The following CCDC63 variants were observed in gnomAD, a reference collection of about 807,000 sequenced individuals.
CCDC63 encodes coiled-coil domain-containing protein 63.
CCDC63 carries 54 observed loss-of-function variants against 63.6 expected under a neutral mutation model. That is an observed-to-expected ratio of 0.85 (90% CI 0.68 to 1.07). The LOEUF (loss-of-function observed/expected upper bound fraction) is 1.07, where lower values mean the gene tolerates loss of function less well. CCDC63 is among the 50% of genes least tolerant of loss of function. CCDC63 has a pLI of 0.00. For missense variants in CCDC63, 637 were observed against 689.6 expected (o/e 0.92, Z 0.86); for synonymous variants, 253 against 266.1 (o/e 0.95, Z 0.48).
chr12:110,856,230 C>T (rs888504014), intron 3 of CCDC63, among the ~76,000 whole-genome samples: 5 of 151,870 alleles, frequency 3.3e-5, no homozygotes, highest in South Asian at 2.1e-4. Flanking sequence ...GGACTACAGG[C>T]GCCCACCACC....
intron 4 of CCDC63, among the ~76,000 whole-genome samples, chr12:110,864,386 T>C (rs1054890777): frequency 6.6e-6 from 1 of 151,392 alleles, no homozygotes; most frequent in Admixed American, 6.6e-5. Context: ...GCCCAGGAGT[T>C]TGAGACCAGC....
chr12:110,883,606 T>A (rs529639839), intron 7 of CCDC63, among the ~76,000 whole-genome samples: 25 of 140,872 alleles, frequency 1.8e-4, no homozygotes, highest in South Asian at 6.6e-4. Context: ...ATATATATAT[T>A]TTTTTGTTTG....
At chr12:110,899,908 T>A (rs1353376066) in intron 10 of CCDC63, among the ~76,000 whole-genome samples, 1 of 151,842 alleles carries the variant, frequency 6.6e-6, no homozygotes, top group African/African-American at 2.4e-5. Flanking sequence ...ATAAAAGACA[T>A]CTACAAAAAA....
chr12:110,890,026 A>T (rs941896480), intron 8 of CCDC63, among the ~76,000 whole-genome samples: 8 of 152,060 alleles, frequency 5.3e-5, no homozygotes, highest in South Asian at 2.1e-4. Context: ...CTGCTTTTTT[A>T]AAAATTAAAA....
chr12:110,862,520 A>C (rs141477107), intron 4 of CCDC63, among the ~76,000 whole-genome samples: 7 of 152,350 alleles, frequency 4.6e-5, no homozygotes, highest in Non-Finnish European at 8.8e-5. Flanking sequence ...TCCCAGCATC[A>C]CAAAAGCAGC....
chr12:110,868,582 G>A (rs1328671337), intron 4 of CCDC63, among the ~76,000 whole-genome samples: 2 of 151,760 alleles, frequency 1.3e-5, no homozygotes, highest in African/African-American at 2.4e-5. Flanking sequence ...CCAGTCAGGT[G>A]TGGCGGCGCG....
chr12:110,905,910 TTATATTA>T (rs201514569), intron 11 of CCDC63, among the ~76,000 whole-genome samples: 1,590 of 56,976 alleles, frequency 0.028, 304 homozygotes, highest in African/African-American at 0.11. Flanking sequence ...ATAATATATA[TTATATTA>T]TATATAATAT....
At chr12:110,876,062 T>C (rs2071125592) in intron 5 of CCDC63, among the ~76,000 whole-genome samples, 1 of 148,158 alleles carries the variant, frequency 6.7e-6, no homozygotes. Flanking sequence ...GCCGAGATTG[T>C]GCCACTGTAC....
In CCDC63 at chr12:110,889,226, C is replaced by G. The variant is rs1281656472; in HGVS notation, c.1075-3850C>G. Among the ~76,000 whole-genome samples, 3 of 152,168 alleles carry G rather than the reference C, an allele frequency of 2.0e-5. No homozygotes were observed. Among genetic ancestry groups the G allele is most frequent in the Non-Finnish European group, 4.4e-5 (3 of 68,048 alleles). ...CACCTACTGCGTTCCAGACACTGCTCTAGACCCTGATAATGTGGCAGTGAA... is the reference window on the plus strand; with the variant it reads ...CACCTACTGCGTTCCAGACACTGCTGTAGACCCTGATAATGTGGCAGTGAA... On this transcript the variant is annotated intron_variant, in intron 8 of 11. Coordinates refer to ENST00000308208, the MANE Select transcript of CCDC63 (RefSeq NM_152591.3). The surrounding 1 kb of genome is among the most constrained non-coding windows in gnomAD (Gnocchi z 4.1).
At chr12:110,851,735 C>A (rs1289662401) in intron 1 of CCDC63, among the ~76,000 whole-genome samples, 3 of 152,182 alleles carry the variant, frequency 2.0e-5, no homozygotes, top group Non-Finnish European at 4.4e-5. Flanking sequence ...CCCTCTGAAA[C>A]AATCCATATC....
At chr12:110,899,392 C>T (rs1161439720) in intron 10 of CCDC63, among the ~76,000 whole-genome samples, 2 of 152,154 alleles carry the variant, frequency 1.3e-5, no homozygotes, top group South Asian at 4.1e-4. Flanking sequence ...AATCATGGCT[C>T]ACTGCCATCT....
chr12:110,877,199 C>T (rs1318287560), intron 5 of CCDC63, among the ~76,000 whole-genome samples: 2 of 151,084 alleles, frequency 1.3e-5, no homozygotes, highest in African/African-American at 4.9e-5. Context: ...AGCAGGAATC[C>T]CAAATACAGT....
rs2071606315 is a variant in CCDC63 at position 110,907,424 on chromosome 12, G to A, written c.1640G>A (p.Ser547Asn). The A allele has an allele frequency of 6.2e-7, 1 of 1,614,202 alleles. No individual in the cohort carries two copies. The highest frequency in any genetic ancestry group is 1.3e-5 in the African/African-American group (1 of 75,058). Residue 547 changes from serine to asparagine, a missense_variant, in exon 12 of 12, where the codon AGC becomes AAC. Physicochemically the swap from Ser to Asn is conservative, Grantham distance 46. Coordinates refer to ENST00000308208, the MANE Select transcript of CCDC63 (RefSeq NM_152591.3). The surrounding 1 kb of genome is among the most constrained non-coding windows in gnomAD (Gnocchi z 4.4). ...ENRSKEVRGDSLPEKVDDFRS... is the reference protein window; with the variant it reads ...ENRSKEVRGDNLPEKVDDFRS... ...CGGAGTAAGGAAGTGCGCGGAGACA[G>A]CCTGCCTGAGAAGGTGGATGACTTC... is the stretch of plus-strand genomic sequence containing the variant.
chr12:110,874,032 G>T lies in CCDC63; in HGVS notation c.489+71G>T, dbSNP rs563484209. 6 of 1,541,404 alleles carry T rather than the reference G, an allele frequency of 3.9e-6. No homozygotes were observed. The African/African-American group carries it at 4.2e-5, about 11-fold the overall frequency. ...TTTGCTCAGAACAAAAATGATGTCT[G>T]CCCAGCCATTAGCAGAACATACCCA... On this transcript the variant is annotated intron_variant, in intron 5 of 11. Coordinates refer to ENST00000308208, the MANE Select transcript of CCDC63 (RefSeq NM_152591.3).
At chr12:110,859,134 T>C (rs2070818110) in intron 4 of CCDC63, among the ~76,000 whole-genome samples, 1 of 152,178 alleles carries the variant, frequency 6.6e-6, no homozygotes, top group Non-Finnish European at 1.5e-5. Flanking sequence ...GTTTCTTCCT[T>C]GTTGATGACA....
chr12:110,894,738 T>G (rs553383367), intron 9 of CCDC63, among the ~76,000 whole-genome samples: 1 of 152,088 alleles, frequency 6.6e-6, no homozygotes, highest in Non-Finnish European at 1.5e-5. Context: ...CTTGTTGAGG[T>G]TGAGACTGGC....
intron 8 of CCDC63, among the ~76,000 whole-genome samples, chr12:110,886,731 C>T (rs974498253): frequency 2.0e-5 from 3 of 152,142 alleles, no homozygotes; most frequent in African/African-American, 7.2e-5. Flanking sequence ...TTGGTGCAAG[C>T]CCTGCAGGTC....
chr12:110,885,013 T>C (rs979789851), intron 8 of CCDC63, among the ~76,000 whole-genome samples: 5 of 152,046 alleles, frequency 3.3e-5, no homozygotes, highest in Admixed American at 2.0e-4. Context: ...TAATTGTCTT[T>C]CAATGTATAG....
intron 9 of CCDC63, among the ~76,000 whole-genome samples, chr12:110,895,099 TTTTTAA>T (rs1457712686): frequency 6.6e-6 from 1 of 151,014 alleles, no homozygotes; most frequent in Non-Finnish European, 1.5e-5. Flanking sequence ...TTTAATTTAT[TTTTTAA>T]TTTTAATTAA....
Sources: allele counts gnomAD v4.1 joint callset (sites outside exome capture counted in the v4.1 genomes callset), GRCh38; gene constraint gnomAD v4.1.1; non-coding constraint Gnocchi (gnomAD v3.1); transcripts MANE v1.5; gene names NCBI Gene and HGNC (gene_info 2026-07-23, HGNC 2026-07-21).